Variants in ADGRV1 observed in about 807,000 individuals in gnomAD.
The protein encoded by ADGRV1 is G-protein coupled receptor 98.
ADGRV1 carries 359 observed loss-of-function variants against 596.2 expected under a neutral mutation model. The ratio of observed to expected loss-of-function variants is 0.60; its 90% CI spans 0.55 to 0.66. ADGRV1 has a LOEUF of 0.66. Among genes scored for constraint, ADGRV1 ranks in the 30% least tolerant of loss-of-function variants. ADGRV1 has a pLI of 0.00. For synonymous variants in ADGRV1, 2,681 were observed against 2,679.2 expected, an observed-to-expected ratio of 1.00 and a Z score of -0.02; for missense variants, 7,274 against 7,575.6, an observed-to-expected ratio of 0.96 and a Z score of 1.48.
At chr5:91,085,194 G>A (rs140633901) in intron 86 of ADGRV1, among the ~76,000 whole-genome samples, 2,530 of 152,182 alleles carry the variant, frequency 0.017, 25 homozygotes, top group Non-Finnish European at 0.024. Flanking sequence ...AAACCTGCAC[G>A]TTGTGCACAT....
Position 91,035,862 on chromosome 5 carries a change from T to TA in ADGRV1, c.18153-36584dup, listed in dbSNP as rs1562121800. Among the ~76,000 whole-genome samples, 68 of 16,516 alleles carry TA rather than the reference T, an allele frequency of 4.1e-3. 2 individuals carry two copies. The highest frequency in any genetic ancestry group is 6.1e-3 in the African/African-American group (63 of 10,320). 10.8% of individuals were successfully genotyped at this position (16,516 alleles called of 152,430 possible). On this transcript the variant is annotated intron_variant, in intron 85 of 89. Transcript: ENST00000405460. ...TGAGTGTGTATATATATATATATAT[T>TA]ATATATATATATATATATATCTTAC...
chr5:90,801,889 T>A (rs1761415884), intron 70 of ADGRV1, among the ~76,000 whole-genome samples: 1 of 152,226 alleles, frequency 6.6e-6, no homozygotes, highest in Non-Finnish European at 1.5e-5. Context: ...CCTATTTTGT[T>A]GGATTCTAAA....
At chr5:90,872,183 C>G (rs993431143) in intron 83 of ADGRV1, among the ~76,000 whole-genome samples, 1 of 152,164 alleles carries the variant, frequency 6.6e-6, no homozygotes, top group African/African-American at 2.4e-5. Flanking sequence ...AAGCCTGTAA[C>G]TGTGCCTTTC....
intron 41 of ADGRV1, 120 bp downstream of exon 41, chr5:90,711,442 T>C (rs537629053): frequency 6.3e-5 from 46 of 727,410 alleles, no homozygotes; most frequent in Middle Eastern, 8.3e-4. Context: ...CATTGTATTT[T>C]TCACAGTAAA....
At chr5:90,660,630 G>A (rs2149488428) in intron 21 of ADGRV1, among the ~76,000 whole-genome samples, 1 of 152,318 alleles carries the variant, frequency 6.6e-6, no homozygotes, top group South Asian at 2.1e-4. Flanking sequence ...AGCACTTTGG[G>A]AAGCTGAGGT....
At chr5:90,585,605 A>C (rs1352397193) in intron 1 of ADGRV1, among the ~76,000 whole-genome samples, 3 of 152,218 alleles carry the variant, frequency 2.0e-5, no homozygotes, top group African/African-American at 7.2e-5. Context: ...GATCCTGCCC[A>C]GAGGGCAGCC....
intron 72 of ADGRV1, among the ~76,000 whole-genome samples, chr5:90,807,219 A>T (rs922506223): frequency 6.6e-6 from 1 of 152,192 alleles, no homozygotes; most frequent in African/African-American, 2.4e-5. Flanking sequence ...TTTTAAAGTA[A>T]AATACATAGA....
Position 90,802,794 on chromosome 5 carries a change from T to A in ADGRV1, c.14573T>A (p.Val4858Asp). Residue 4858 changes from valine (V) to aspartate (D), a missense_variant, in exon 71 of 90, where the codon GTC becomes GAC. Transcript: ENST00000405460. ...TTGCAACTGGTGACTGTGATGCTTG[T>A]CGGTGGACGTTTCTATGGAATGCCA... ...FTLQLVTVML[V>D]GGRFYGMPTI... The A allele has an allele frequency of 6.2e-7, 1 of 1,613,176 alleles. No homozygotes were observed. The highest frequency in any genetic ancestry group is 1.1e-5 in the South Asian group (1 of 90,734).
At chr5:90,848,023 G>GT (rs1265326746) in intron 78 of ADGRV1, among the ~76,000 whole-genome samples, 1 of 152,060 alleles carries the variant, frequency 6.6e-6, no homozygotes, top group African/African-American at 2.4e-5. Context: ...TCACCTCTCA[G>GT]TCCCCCGTCA....
intron 83 of ADGRV1, among the ~76,000 whole-genome samples, chr5:90,914,298 A>G (rs1773151537): frequency 1.3e-5 from 2 of 152,062 alleles, no homozygotes; most frequent in South Asian, 4.1e-4. Context: ...GGGATACTCA[A>G]CCTGTAACAC....
intron 21 of ADGRV1, among the ~76,000 whole-genome samples, chr5:90,662,280 A>G (rs1418170347): frequency 7.4e-5 from 10 of 135,268 alleles, no homozygotes; most frequent in African/African-American, 2.3e-4. Flanking sequence ...TGCAAGCTCC[A>G]CCTCCCGGGT....
chr5:90,856,004 A>G lies in ADGRV1; in HGVS notation c.17755+103A>G, dbSNP rs1766989477. On this transcript the variant is annotated intron_variant, in intron 82 of 89. Transcript: ENST00000405460. Reference sequence around the variant, plus strand: ...GTATGCAAGATGCAAACATACCGTAATTCATCAGCACTAGAAGAATACAAA... The same window carrying G: ...GTATGCAAGATGCAAACATACCGTAGTTCATCAGCACTAGAAGAATACAAA... The G allele has an allele frequency of 3.0e-5, 28 of 922,020 alleles. No individual in the cohort carries two copies. In the South Asian group the frequency reaches 4.5e-4, roughly 15 times the overall value. 57.1% of individuals were successfully genotyped at this position (922,020 alleles called of 1,614,324 possible). A position where few individuals can be genotyped will look rare whatever the true frequency, so the allele number is the denominator to read the frequency against.
chr5:90,807,719 C>T lies in ADGRV1; in HGVS notation c.14954C>T (p.Pro4985Leu). 1 of 1,562,080 alleles carries T rather than the reference C, an allele frequency of 6.4e-7. No homozygotes were observed. The highest frequency in any genetic ancestry group is 8.7e-7 in the Non-Finnish European group (1 of 1,147,928). The change falls in exon 73 of 90, where the codon CCT becomes CTT. Residue 4985 changes from proline to leucine, a missense_variant. Physicochemically the swap from Pro to Leu is moderately conservative, Grantham distance 98 (BLOSUM62 -3). Around this residue, in one of 5 missense-constraint regions of ADGRV1, gnomAD observed 1,874 missense variants for 1,970.2 expected, o/e 0.95. Coordinates refer to ENST00000405460, the MANE Select transcript of ADGRV1 (RefSeq NM_032119.4). Reference protein sequence around the residue: ...LHLSGVQSSAPGGAQLRSGFI... With the variant: ...LHLSGVQSSALGGAQLRSGFI... Reference sequence around the variant, plus strand: ...CTATCAGGAGTGCAGAGCAGTGCTCCTGGCGGAGCTCAACTCCGGTAAGAC... The same window carrying T: ...CTATCAGGAGTGCAGAGCAGTGCTCTTGGCGGAGCTCAACTCCGGTAAGAC...
chr5:90,775,616 A>G (rs144088298), intron 60 of ADGRV1, among the ~76,000 whole-genome samples: 4 of 152,284 alleles, frequency 2.6e-5, no homozygotes, highest in Middle Eastern at 6.8e-3. Context: ...AGCTAGGACT[A>G]CAGGCATGTG....
At chr5:90,774,090 A>G in intron 59 of ADGRV1, 96 bp from the exon 60 acceptor site, 1 of 505,226 alleles carries the variant, frequency 2.0e-6, no homozygotes, top group East Asian at 3.2e-5. Flanking sequence ...ACCCTTAAAA[A>G]TGATTATGGA....
intron 1 of ADGRV1, among the ~76,000 whole-genome samples, chr5:90,576,344 A>G (rs557008187): frequency 6.7e-6 from 1 of 149,064 alleles, no homozygotes; most frequent in East Asian, 2.0e-4. Flanking sequence ...GTTCCCACCT[A>G]TGAGTGAGAA....
Position 90,874,585 on chromosome 5 carries a change from C to T in ADGRV1, c.17856+10728C>T, listed in dbSNP as rs375916456. Among the ~76,000 whole-genome samples the T allele has an allele frequency of 1.8e-3, 272 of 151,872 alleles. 1 individual carries two copies. The highest frequency in any genetic ancestry group is 6.0e-3 in the African/African-American group (248 of 41,414). On this transcript the variant is annotated intron_variant, in intron 83 of 89. Coordinates refer to ENST00000405460, the MANE Select transcript of ADGRV1 (RefSeq NM_032119.4). ...CAATTTAAAAAACTGGTTAAGGCCG[C>T]GTGCGGTGGCTCACACCTGTAATCC...
intron 1 of ADGRV1, among the ~76,000 whole-genome samples, chr5:90,580,182 A>C (rs1405144611): frequency 6.6e-6 from 1 of 152,176 alleles, no homozygotes; most frequent in Non-Finnish European, 1.5e-5. Context: ...TTTGCCCATT[A>C]ATTGATGCAG....
chr5:90,777,879 G>A, intron 61 of ADGRV1, 26 bp from the exon 62 acceptor site: 1 of 1,575,886 alleles, frequency 6.3e-7, no homozygotes, highest in Non-Finnish European at 8.7e-7. Context: ...GAAATGTATT[G>A]GATATACATT....
Sources: gnomAD v4.1 joint callset for allele counts (sites outside exome capture counted in the v4.1 genomes callset) on GRCh38, gnomAD v4.1.1 for gene constraint, gnomAD v4.1.1 regional missense constraint, MANE v1.5 for transcripts, NCBI Gene and HGNC (gene_info 2026-07-23, HGNC 2026-07-21) for gene names.